The following STK10 variants were observed in gnomAD, a reference collection of about 807,000 sequenced individuals.
The protein encoded by STK10 is serine/threonine kinase 10, also known as serine/threonine-protein kinase 10.
Under a neutral mutation model 113.8 loss-of-function variants are expected in STK10, and 78 were observed. The ratio of observed to expected loss-of-function variants is 0.69; its 90% CI spans 0.57 to 0.83. The LOEUF (loss-of-function observed/expected upper bound fraction) is 0.83. Among genes scored for constraint, STK10 ranks in the 40% least tolerant of loss-of-function variants. The pLI is 0.00. For missense variants in STK10, 1,109 were observed against 1,280.1 expected (o/e 0.87, Z 2.04); for synonymous variants, 465 against 494.7 (o/e 0.94, Z 0.80).
At chr5:172,053,164 C>T (rs927988002) in intron 17 of STK10, 122 bp from the exon 18 acceptor site, 21 of 721,674 alleles carry the variant, frequency 2.9e-5, no homozygotes, top group Non-Finnish European at 4.9e-5. Context: ...TTCTTCTTGA[C>T]TATAAATCCC....
chr5:172,186,806 C>T (rs184306327), intron 1 of STK10, among the ~76,000 whole-genome samples: 2 of 152,164 alleles, frequency 1.3e-5, no homozygotes, highest in East Asian at 1.9e-4. Context: ...ATTATAACAC[C>T]GGTCATCTAG....
intron 2 of STK10, among the ~76,000 whole-genome samples, chr5:172,132,730 A>T (rs905845320): frequency 6.6e-6 from 1 of 152,190 alleles, no homozygotes; most frequent in Non-Finnish European, 1.5e-5. Flanking sequence ...CAGGGGCCCT[A>T]CTTTGCTAGG....
In STK10 at chr5:172,057,492, C is replaced by G; in HGVS notation, c.2213-19G>C. ...TCCCGGTCTGCAGAGGACATGCCAC[C>G]GAGCTGGTGAGGTGCTGACAACCAG... On this transcript the variant is annotated intron_variant, in intron 14 of 18. Transcript: ENST00000176763. 6.5e-7 allele frequency: 1 copy of G among 1,542,148 alleles called. No homozygotes were observed.
chr5:172,112,934 C>T (rs376952001), intron 4 of STK10, among the ~76,000 whole-genome samples: 274 of 151,554 alleles, frequency 1.8e-3, no homozygotes, highest in African/African-American at 6.4e-3. Flanking sequence ...TTAGTAGAGA[C>T]GGGGGGTTTC....
At chr5:172,170,765 A>G (rs947479237) in intron 1 of STK10, among the ~76,000 whole-genome samples, 4 of 152,226 alleles carry the variant, frequency 2.6e-5, no homozygotes, top group African/African-American at 9.6e-5. Context: ...TCCAAAACCA[A>G]TGGGGAATCC....
chr5:172,169,845 C>T (rs1046143482), intron 1 of STK10, among the ~76,000 whole-genome samples: 3 of 152,174 alleles, frequency 2.0e-5, no homozygotes, highest in Admixed American at 6.5e-5. Context: ...GTGGAAACAG[C>T]GCAGGACCTA....
chr5:172,044,540 G>A lies in STK10; in HGVS notation c.*342C>T, dbSNP rs540784624. 4.4e-5 allele frequency: 14 copies of A among 316,892 alleles called. No individual in the cohort carries two copies. Among genetic ancestry groups the A allele is most frequent in the African/African-American group, 1.1e-4 (5 of 47,048 alleles). 19.6% of individuals were successfully genotyped at this position (316,892 alleles called of 1,614,324 possible). ...CACAGAGAGCAAAACTGGTATTTTC[G>A]CAAACAGGAGAGGACTCGAGGCCAC... On this transcript the variant is annotated 3_prime_UTR_variant, in exon 19 of 19. Coordinates refer to ENST00000176763, the MANE Select transcript of STK10 (RefSeq NM_005990.4). This position sits in a 1 kb window ranked among gnomAD's most constrained non-coding sequence, Gnocchi z 4.5.
At chr5:172,046,134 C>A (rs975183200) in intron 18 of STK10, among the ~76,000 whole-genome samples, 2 of 151,526 alleles carry the variant, frequency 1.3e-5, no homozygotes, top group Admixed American at 6.6e-5. Context: ...CCAAGGCGGG[C>A]GGATCACCTG....
chr5:172,058,862 C>T (rs6889567), intron 14 of STK10, among the ~76,000 whole-genome samples: 23,181 of 151,930 alleles, frequency 0.15, 2,376 homozygotes, highest in African/African-American at 0.3. Context: ...TGCACTCCAG[C>T]CTGAGTGACA....
chr5:172,093,343 C>T lies in STK10; in HGVS notation c.1554+69G>A, dbSNP rs1768762657. ...AGGAAGCCCCTAAATGCTTTTGAAA[C>T]CAAAATGGAGCCACAGAACATCCTG... On this transcript the variant is annotated intron_variant, in intron 9 of 18. Transcript: ENST00000176763. The surrounding 1 kb of genome is among the most constrained non-coding windows in gnomAD (Gnocchi z 4.1). 3 of 1,504,946 alleles carry T rather than the reference C, an allele frequency of 2.0e-6. No homozygotes were observed. Among genetic ancestry groups the T allele is most frequent in the Non-Finnish European group, 2.7e-6 (3 of 1,122,434 alleles). 93.2% of individuals were successfully genotyped at this position (1,504,946 alleles called of 1,614,324 possible). A position where few individuals can be genotyped will look rare whatever the true frequency, so the allele number is the denominator to read the frequency against.
chr5:172,135,756 T>C (rs1354825044), intron 2 of STK10, among the ~76,000 whole-genome samples: 3 of 152,110 alleles, frequency 2.0e-5, no homozygotes, highest in Non-Finnish European at 4.4e-5. Flanking sequence ...ACTCAAATTA[T>C]GGCCAGGCAC....
At chr5:172,166,681 A>G (rs975494733) in intron 1 of STK10, among the ~76,000 whole-genome samples, 6 of 152,234 alleles carry the variant, frequency 3.9e-5, no homozygotes, top group African/African-American at 1.2e-4. Context: ...ATTAGCAAAA[A>G]CATGCAATTG....
intron 10 of STK10, among the ~76,000 whole-genome samples, chr5:172,086,283 C>A (rs1179899046): frequency 2.0e-5 from 3 of 152,156 alleles, no homozygotes; most frequent in Non-Finnish European, 4.4e-5. Flanking sequence ...CTTTCTACAG[C>A]CACAGAGGGA....
chr5:172,062,992 G>A lies in STK10; in HGVS notation c.2083-1724C>T, dbSNP rs150268297. Among the ~76,000 whole-genome samples, 267 of 152,314 alleles carry A rather than the reference G, an allele frequency of 1.8e-3. 1 individual carries two copies. The highest frequency in any genetic ancestry group is 6.1e-3 in the African/African-American group (255 of 41,572). ...TGGCCAGGTGCAGTGGCTCATGCCT[G>A]TAATCCCAGCACGTTGGGAGACTGA... On this transcript the variant is annotated intron_variant, in intron 13 of 18. Transcript: ENST00000176763.
intron 4 of STK10, among the ~76,000 whole-genome samples, chr5:172,112,014 A>G (rs530913580): frequency 6.6e-6 from 1 of 152,376 alleles, no homozygotes; most frequent in Non-Finnish European, 1.5e-5. Context: ...GAAAATTGGA[A>G]ATCATCCAAA....
At chr5:172,091,875 G>A (rs148191242) in intron 9 of STK10, among the ~76,000 whole-genome samples, 280 of 152,282 alleles carry the variant, frequency 1.8e-3, no homozygotes, top group African/African-American at 6.4e-3. Context: ...TTCCTAACAC[G>A]GGGCCTCCCA....
chr5:172,075,642 T>TGATG (rs1768289844), intron 12 of STK10, among the ~76,000 whole-genome samples: 1 of 152,018 alleles, frequency 6.6e-6, no homozygotes, highest in East Asian at 1.9e-4. Context: ...ATCGTGCCAT[T>TGATG]GCACTCCAGC....
At chr5:172,176,658 G>A (rs1770764699) in intron 1 of STK10, among the ~76,000 whole-genome samples, 1 of 152,152 alleles carries the variant, frequency 6.6e-6, no homozygotes, top group Admixed American at 6.5e-5. Context: ...TCAGGCCCTG[G>A]GGGACTTAAG....
At chr5:172,083,403 T>TGAAAAAGAAACTATA (rs1464488591) in intron 10 of STK10, among the ~76,000 whole-genome samples, 1 of 151,936 alleles carries the variant, frequency 6.6e-6, no homozygotes, top group Non-Finnish European at 1.5e-5. Context: ...AAAATACAAA[T>TGAAAAAGAAACTATA]GAAAAAGAAA....
Sources: gnomAD v4.1 joint callset for allele counts (sites outside exome capture counted in the v4.1 genomes callset) on GRCh38, gnomAD v4.1.1 for gene constraint, Gnocchi (gnomAD v3.1) non-coding constraint, MANE v1.5 for transcripts, NCBI Gene and HGNC (gene_info 2026-07-23, HGNC 2026-07-21) for gene names.